The following CADM1 variants were observed in gnomAD, a reference collection of about 807,000 sequenced individuals.
The protein encoded by CADM1 is TSLC-1.
In CADM1, 15 loss-of-function variants were observed where a neutral mutation model predicts 53.1. The ratio of observed to expected loss-of-function variants is 0.28; its 90% CI spans 0.19 to 0.44. The LOEUF is 0.44. Ranked by LOEUF, CADM1 falls within the 20% of genes least tolerant of loss-of-function variation. The probability of loss-of-function intolerance (pLI) is 1.00; values close to 1 mark genes in which losing one functional copy is unlikely to be tolerated. For synonymous variants in CADM1, 281 were observed against 243.0 expected (o/e 1.16, Z -1.45); for missense variants, 434 against 611.3 (o/e 0.71, Z 3.06).
rs1938813924 is a variant in CADM1 at position 115,172,257 on chromosome 11, G to A, written c.*4217C>T. The A allele has an allele frequency of 6.6e-6, 1 of 152,260 alleles. No individual in the cohort carries two copies. The highest frequency in any genetic ancestry group is 2.4e-5 in the African/African-American group (1 of 41,454). 9.4% of individuals were successfully genotyped at this position (152,260 alleles called of 1,614,324 possible). A position where few individuals can be genotyped will look rare whatever the true frequency, so the allele number is the denominator to read the frequency against. ...CTTTTTATAGAGATGCAATGAATGA[G>A]TACTCCCTACTGCTCCTTGCCCTCT... is the stretch of plus-strand genomic sequence containing the variant. On this transcript the variant is annotated 3_prime_UTR_variant, in exon 12 of 12. Coordinates refer to ENST00000331581, the MANE Select transcript of CADM1 (RefSeq NM_001301043.2).
intron 1 of CADM1, among the ~76,000 whole-genome samples, chr11:115,437,239 C>T (rs563578820): frequency 1.2e-4 from 18 of 152,234 alleles, no homozygotes; most frequent in Admixed American, 8.5e-4. Flanking sequence ...AAACTCTTAT[C>T]ACATTATTGA....
chr11:115,266,422 C>T (rs1039112214), intron 1 of CADM1, among the ~76,000 whole-genome samples: 5 of 152,216 alleles, frequency 3.3e-5, no homozygotes, highest in Admixed American at 3.3e-4. Context: ...AGTGCCATGT[C>T]TGCATTATGA....
intron 9 of CADM1, 21 bp from the exon 10 acceptor site, chr11:115,190,962 GTTTTT>G (rs753760359): frequency 2.3e-5 from 37 of 1,577,498 alleles, no homozygotes; most frequent in Non-Finnish European, 3.0e-5. Context: ...AAAACAAATC[GTTTTT>G]CTTTTCATTC....
rs1338483738 is a variant in CADM1 at position 115,374,395 on chromosome 11, T to C, written c.124+129876A>G. 2.0e-5 allele frequency among the ~76,000 whole-genome samples: 3 copies of C among 152,336 alleles called. No individual in the cohort carries two copies. The East Asian group carries it at 5.8e-4, about 29-fold the overall frequency. On this transcript the variant is annotated intron_variant, in intron 1 of 11. Coordinates refer to ENST00000331581, the MANE Select transcript of CADM1 (RefSeq NM_001301043.2). ...GGTGCTGAGAACCAACTAATTATTT[T>C]GAAAATCAGTAAATAAAGGTAAAGA...
chr11:115,398,663 TAAACA>T (rs1283988110), intron 1 of CADM1, among the ~76,000 whole-genome samples: 1 of 152,232 alleles, frequency 6.6e-6, no homozygotes, highest in Non-Finnish European at 1.5e-5. Context: ...CATTTTAGAT[TAAACA>T]AAACAATATT....
chr11:115,328,674 A>G (rs368683878), intron 1 of CADM1, among the ~76,000 whole-genome samples: 1 of 102,262 alleles, frequency 9.8e-6, no homozygotes, highest in Admixed American at 1.1e-4. Flanking sequence ...CACTATATAT[A>G]TATGTGTATA....
chr11:115,270,437 T>A (rs916970359), intron 1 of CADM1, among the ~76,000 whole-genome samples: 2 of 152,184 alleles, frequency 1.3e-5, no homozygotes, highest in African/African-American at 4.8e-5. Flanking sequence ...TAAATATCAA[T>A]CTATTCCCCA....
chr11:115,394,277 TG>T (rs1335422411), intron 1 of CADM1, among the ~76,000 whole-genome samples: 1 of 152,212 alleles, frequency 6.6e-6, no homozygotes, highest in Non-Finnish European at 1.5e-5. Flanking sequence ...AAAGAGAATG[TG>T]AAGGAAAAGT....
chr11:115,248,417 G>A (rs1442471761), intron 1 of CADM1, among the ~76,000 whole-genome samples: 1 of 152,172 alleles, frequency 6.6e-6, no homozygotes, highest in Non-Finnish European at 1.5e-5. Context: ...GAAGGTCTGA[G>A]CTATCTGATC....
intron 1 of CADM1, among the ~76,000 whole-genome samples, chr11:115,444,495 C>A (rs1374454578): frequency 6.6e-6 from 1 of 152,134 alleles, no homozygotes; most frequent in African/African-American, 2.4e-5. Context: ...TAAAGTGGTT[C>A]CTTACGTCTA....
chr11:115,363,570 T>A (rs1946084196), intron 1 of CADM1: 1 of 152,186 alleles, frequency 6.6e-6, no homozygotes, highest in Non-Finnish European at 1.5e-5. Context: ...GATGAATGCA[T>A]ACAAAAGCAC....
chr11:115,359,628 C>T (rs1565385645), intron 1 of CADM1, among the ~76,000 whole-genome samples: 1 of 151,934 alleles, frequency 6.6e-6, no homozygotes, highest in Non-Finnish European at 1.5e-5. Context: ...GCTAGTGTGC[C>T]AACAAATATT....
intron 1 of CADM1, among the ~76,000 whole-genome samples, chr11:115,371,464 T>A (rs78658000): frequency 0.022 from 3,354 of 151,474 alleles, 147 homozygotes; most frequent in African/African-American, 0.075. Flanking sequence ...TAAACTGGAA[T>A]AATAAACAAT....
chr11:115,439,407 G>A (rs560051171), intron 1 of CADM1, among the ~76,000 whole-genome samples: 61 of 152,220 alleles, frequency 4.0e-4, no homozygotes, highest in African/African-American at 1.3e-3. Flanking sequence ...TTTAGCAACT[G>A]TTTTATTACT....
chr11:115,175,812 A>T lies in CADM1; in HGVS notation c.*662T>A. 8 of 992,540 alleles carry T rather than the reference A, an allele frequency of 8.1e-6. No homozygotes were observed. The highest frequency in any genetic ancestry group is 9.6e-6 in the Non-Finnish European group (8 of 834,066). 61.5% of individuals were successfully genotyped at this position (992,540 alleles called of 1,614,324 possible). On this transcript the variant is annotated 3_prime_UTR_variant, in exon 12 of 12. Transcript: ENST00000331581. The stretch of plus-strand genomic sequence containing the variant: ...TTTCTGAATCACAGTCTAATTTTCT[A>T]GTCTTCACTGCTCTAAGTATTTGAA...
chr11:115,424,511 TTC>T (rs1236833157), intron 1 of CADM1, among the ~76,000 whole-genome samples: 1 of 152,168 alleles, frequency 6.6e-6, no homozygotes, highest in Non-Finnish European at 1.5e-5. Context: ...AAACACACTT[TTC>T]TTTTTTTGTT....
chr11:115,249,697 T>G (rs1386982664), intron 1 of CADM1, among the ~76,000 whole-genome samples: 2 of 152,190 alleles, frequency 1.3e-5, no homozygotes, highest in Non-Finnish European at 2.9e-5. Context: ...CCAAACTACT[T>G]ATTATATATA....
At chr11:115,417,780 T>C (rs1299876780) in intron 1 of CADM1, among the ~76,000 whole-genome samples, 2 of 152,298 alleles carry the variant, frequency 1.3e-5, no homozygotes, top group African/African-American at 4.8e-5. Context: ...CTATTTAATC[T>C]TTTTGGATCA....
intron 1 of CADM1, among the ~76,000 whole-genome samples, chr11:115,464,053 G>T (rs903580962): frequency 6.6e-6 from 1 of 152,200 alleles, no homozygotes; most frequent in African/African-American, 2.4e-5. Context: ...CTTGTTTGCT[G>T]AAGTCTGCTG....
Sources: gnomAD v4.1 joint callset for allele counts (sites outside exome capture counted in the v4.1 genomes callset) on GRCh38, gnomAD v4.1.1 for gene constraint, MANE v1.5 for transcripts, NCBI Gene and HGNC (gene_info 2026-07-23, HGNC 2026-07-21) for gene names.